Variants in SDHAF4 observed in about 807,000 individuals in gnomAD.
SDHAF4 encodes succinate dehydrogenase complex assembly factor 4.
Under a neutral mutation model 14.3 loss-of-function variants are expected in SDHAF4, and 14 were observed. The ratio of observed to expected loss-of-function variants is 0.98; its 90% CI spans 0.65 to 1.53. SDHAF4 has a LOEUF of 1.53. Ranked by LOEUF, SDHAF4 falls within the 40% of genes most tolerant of loss-of-function variation. The probability of loss-of-function intolerance (pLI) is 0.00; values close to 1 mark genes in which losing one functional copy is unlikely to be tolerated. For synonymous variants in SDHAF4, 63 were observed against 47.3 expected (o/e 1.33, Z -1.36); for missense variants, 141 against 129.3 (o/e 1.09, Z -0.44).
chr6:70,594,463 C>T (rs1765284095), downstream of SDHAF4, among the ~76,000 whole-genome samples: 3 of 152,142 alleles, frequency 2.0e-5, no homozygotes, highest in Non-Finnish European at 4.4e-5. Context: ...AGTAGAAACA[C>T]CTGAGCTAGC....
At chr6:70,593,809 A>G (rs1765279495), downstream of SDHAF4, among the ~76,000 whole-genome samples, 1 of 152,092 alleles carries the variant, frequency 6.6e-6, no homozygotes, top group Admixed American at 6.5e-5. Flanking sequence ...CTCCTGCCTC[A>G]GCCTCCTGAG....
chr6:70,595,799 G>A, the SDHAF4 span, among the ~76,000 whole-genome samples: 452 of 141,872 alleles, frequency 3.2e-3, 3 homozygotes, highest in African/African-American at 0.011. Context: ...TCACGCCACT[G>A]CACTCCAACC....
intron 2 of SDHAF4, among the ~76,000 whole-genome samples, chr6:70,581,775 T>C (rs1479392646): frequency 6.6e-6 from 1 of 152,128 alleles, no homozygotes; most frequent in Admixed American, 6.6e-5. Context: ...GCTCACCTAA[T>C]TTAAAAAATT....
intron 2 of SDHAF4, among the ~76,000 whole-genome samples, chr6:70,585,204 G>A (rs186020748): frequency 6.6e-6 from 1 of 152,312 alleles, no homozygotes; most frequent in Admixed American, 6.5e-5. Flanking sequence ...TAGATCATGA[G>A]AGTAAGGTAA....
chr6:70,584,127 G>A (rs1325339726), intron 2 of SDHAF4, among the ~76,000 whole-genome samples: 1 of 152,004 alleles, frequency 6.6e-6, no homozygotes, highest in Non-Finnish European at 1.5e-5. Context: ...GGGTTCAAGC[G>A]AGTCTCCTTC....
At chr6:70,586,906 C>A (rs2881632) in intron 2 of SDHAF4, among the ~76,000 whole-genome samples, 34,659 of 152,016 alleles carry the variant, frequency 0.23, 4,548 homozygotes, top group African/African-American at 0.36. Context: ...CAGTGGCTCA[C>A]GCCTGTAACC....
Position 70,573,681 on chromosome 6 carries a change from T to A in SDHAF4, c.65-5733T>A, listed in dbSNP as rs151328090. Among the ~76,000 whole-genome samples, 1,055 of 151,522 alleles carry A rather than the reference T, an allele frequency of 7.0e-3. 5 individuals carry two copies. Among genetic ancestry groups the A allele is most frequent in the Non-Finnish European group, 9.0e-3 (610 of 67,880 alleles). On this transcript the variant is annotated intron_variant, in intron 1 of 2. Transcript: ENST00000370474. Reference sequence around the variant, plus strand: ...TTCTTTTCTTTTCTTTTTTTTATTTTTTTTTTATTTTTTATACAGAGTCTT... The same window carrying A: ...TTCTTTTCTTTTCTTTTTTTTATTTATTTTTTATTTTTTATACAGAGTCTT...
chr6:70,588,060 A>G (rs10945231), intron 2 of SDHAF4, among the ~76,000 whole-genome samples: 19,671 of 152,264 alleles, frequency 0.13, 1,553 homozygotes, highest in Middle Eastern at 0.19. Flanking sequence ...CATTAAGTCA[A>G]AGTGACTCCT....
In SDHAF4 at chr6:70,587,515, A is replaced by T. The variant is rs1765215621; in HGVS notation, c.218-1100A>T. 3.3e-5 allele frequency among the ~76,000 whole-genome samples: 5 copies of T among 152,078 alleles called. No homozygotes were observed. In the South Asian group the frequency reaches 8.3e-4, roughly 25 times the overall value. ...TCTTAAAAAACAAAACAAAACAAAG[A>T]ATTAGCGCTCTGTCTAATAGTTGGT... On this transcript the variant is annotated intron_variant, in intron 2 of 2. Transcript: ENST00000370474.
At position 70,588,841 on chromosome 6, in the gene SDHAF4, A is replaced by C. The variant is rs987602546; in HGVS notation, c.*117A>C. The C allele has an allele frequency of 7.3e-5, 28 of 384,596 alleles. No individual in the cohort carries two copies. The highest frequency in any genetic ancestry group is 5.5e-4 in the African/African-American group (23 of 41,784). 23.8% of individuals were successfully genotyped at this position (384,596 alleles called of 1,614,324 possible). A position where few individuals can be genotyped will look rare whatever the true frequency, so the allele number is the denominator to read the frequency against. ...GTCGTGTAGTTTGTATAATGTGTTT[A>C]AATATATATATATATGATGGCTTTG... On this transcript the variant is annotated 3_prime_UTR_variant, in exon 3 of 3. Transcript: ENST00000370474.
At chr6:70,578,048 TTCTG>T (rs1162765981) in intron 1 of SDHAF4, among the ~76,000 whole-genome samples, 1 of 152,206 alleles carries the variant, frequency 6.6e-6, no homozygotes, top group Non-Finnish European at 1.5e-5. Context: ...GCATGTGTCT[TTCTG>T]GTGTGAAAAA....
intron 1 of SDHAF4, among the ~76,000 whole-genome samples, chr6:70,572,176 C>A (rs1267341666): frequency 7.0e-6 from 1 of 143,680 alleles, no homozygotes; most frequent in African/African-American, 2.6e-5. Context: ...TCTAGTGATT[C>A]TCCTGCCTCA....
chr6:70,574,991 T>A (rs923467491), intron 1 of SDHAF4, among the ~76,000 whole-genome samples: 4 of 152,210 alleles, frequency 2.6e-5, no homozygotes, highest in African/African-American at 4.8e-5. Flanking sequence ...CCCTGAGTCC[T>A]GGCTTCTCCT....
chr6:70,597,784 C>T, the SDHAF4 span, among the ~76,000 whole-genome samples: 1 of 152,046 alleles, frequency 6.6e-6, no homozygotes, highest in Admixed American at 6.6e-5. Flanking sequence ...CATATATAAG[C>T]CTCCATGGAC....
intron 1 of SDHAF4, among the ~76,000 whole-genome samples, chr6:70,577,769 T>C (rs1204625270): frequency 6.6e-6 from 1 of 152,196 alleles, no homozygotes. Context: ...TGTTCTTGAG[T>C]ATCCAGTGTT....
Position 70,579,812 on chromosome 6 carries a change from C to T in SDHAF4, c.217+246C>T, listed in dbSNP as rs189082527. Among the ~76,000 whole-genome samples, 854 of 152,168 alleles carry T rather than the reference C, an allele frequency of 5.6e-3. 3 individuals carry two copies. Among genetic ancestry groups the T allele is most frequent in the Non-Finnish European group, 8.2e-3 (559 of 68,002 alleles). On this transcript the variant is annotated intron_variant, in intron 2 of 2. Transcript: ENST00000370474. ...TTTATTTGTTATACCTCATTATTCA[C>T]ATAACAAAATATATAAGTTGAGACC... is the stretch of plus-strand genomic sequence containing the variant.
At chr6:70,584,163 C>T (rs1396876909) in intron 2 of SDHAF4, among the ~76,000 whole-genome samples, 1 of 152,004 alleles carries the variant, frequency 6.6e-6, no homozygotes, top group Non-Finnish European at 1.5e-5. Flanking sequence ...ATTACAGGCA[C>T]CTGCCACCAC....
At chr6:70,579,813 A>G (rs1328163397) in intron 2 of SDHAF4, among the ~76,000 whole-genome samples, 2 of 152,226 alleles carry the variant, frequency 1.3e-5, no homozygotes, top group African/African-American at 4.8e-5. Flanking sequence ...CATTATTCAC[A>G]TAACAAAATA....
chr6:70,569,244 G>C (rs936855835), intron 1 of SDHAF4, among the ~76,000 whole-genome samples: 1 of 151,870 alleles, frequency 6.6e-6, no homozygotes, highest in Non-Finnish European at 1.5e-5. Context: ...GATTACAGGC[G>C]TGAGCCACCG....
Sources: gnomAD v4.1 joint callset for allele counts (sites outside exome capture counted in the v4.1 genomes callset) on GRCh38, gnomAD v4.1.1 for gene constraint, MANE v1.5 for transcripts, NCBI Gene and HGNC (gene_info 2026-07-23, HGNC 2026-07-21) for gene names.